PCYT1B: variants seen among roughly 807,000 people sequenced by gnomAD.
The protein encoded by PCYT1B is choline-phosphate cytidylyltransferase B.
In PCYT1B, 10 loss-of-function variants were observed where a neutral mutation model predicts 26.4. The observed-to-expected ratio is 0.38, with a 90% CI of 0.23 to 0.64. The LOEUF (loss-of-function observed/expected upper bound fraction) is 0.64. Among genes scored for constraint, PCYT1B ranks in the 30% least tolerant of loss-of-function variants. The pLI is 0.56. For missense variants in PCYT1B, 161 were observed against 292.7 expected, an observed-to-expected ratio of 0.55 and a Z score of 3.28; for synonymous variants, 131 against 108.4, an observed-to-expected ratio of 1.21 and a Z score of -1.29.
At chrX:24,567,668 C>T (rs1161039299) in intron 7 of PCYT1B, among the ~76,000 whole-genome samples, 1 of 112,001 alleles carries the variant, frequency 8.9e-6, no homozygotes, top group Non-Finnish European at 1.9e-5. Context: ...TACTTAACAT[C>T]GGCCGGGTGC....
intron 1 of PCYT1B, among the ~76,000 whole-genome samples, chrX:24,668,189 G>A (rs1419197531): frequency 8.9e-6 from 1 of 112,113 alleles, no homozygotes; most frequent in Admixed American, 9.5e-5. Flanking sequence ...GACTGATGGA[G>A]CTAACTGATG....
At chrX:24,633,669 G>A (rs1449540434) in intron 1 of PCYT1B, among the ~76,000 whole-genome samples, 6 of 111,878 alleles carry the variant, frequency 5.4e-5, no homozygotes, top group South Asian at 3.7e-4. Flanking sequence ...GCGAGACTCC[G>A]TCTCAGTATA....
intron 1 of PCYT1B, among the ~76,000 whole-genome samples, chrX:24,636,063 G>A (rs1004750015): frequency 1.2e-4 from 13 of 111,471 alleles, no homozygotes; most frequent in African/African-American, 3.3e-4. Context: ...CTAGACATAA[G>A]GTGTTTCGTT....
chrX:24,624,064 G>A (rs1279925372), intron 1 of PCYT1B, among the ~76,000 whole-genome samples: 1 of 107,031 alleles, frequency 9.3e-6, no homozygotes, highest in African/African-American at 3.4e-5. Flanking sequence ...CCACTTCCCG[G>A]GTTCATGCCA....
intron 1 of PCYT1B, among the ~76,000 whole-genome samples, chrX:24,619,603 G>A (rs377576060): frequency 7.8e-4 from 88 of 112,106 alleles, no homozygotes; most frequent in Middle Eastern, 4.6e-3. Context: ...ACTCAGAAGC[G>A]TGGCACGCCA....
In PCYT1B at chrX:24,672,575, G is replaced by A. The variant is rs191876455; in HGVS notation, c.58C>T (p.Arg20Cys). 82 of 1,198,128 alleles carry A rather than the reference G, an allele frequency of 6.8e-5. No individual in the cohort carries two copies. In the South Asian group the frequency reaches 7.7e-4, roughly 11 times the overall value. ...TAAGAAAGTATTCACATTACCTTGC[G>A]CCACAATTGGGGAGCGCGATTGTCC... Residue 20 changes from arginine (R) to cysteine (C), a missense_variant, in exon 1 of 8, where the codon CGC (arginine) becomes TGC (cysteine). Transcript: ENST00000379145.
At chrX:24,601,825 TC>T (rs1348042735) in intron 3 of PCYT1B, among the ~76,000 whole-genome samples, 1 of 112,312 alleles carries the variant, frequency 8.9e-6, no homozygotes, top group Non-Finnish European at 1.9e-5. Flanking sequence ...ATAGGATCTC[TC>T]ATTTATTGCT....
At chrX:24,659,888 G>A (rs1352604520) in intron 1 of PCYT1B, among the ~76,000 whole-genome samples, 1 of 111,786 alleles carries the variant, frequency 8.9e-6, no homozygotes, top group African/African-American at 3.2e-5. Context: ...CTGTTGCATT[G>A]GGGATTAAGT....
intron 3 of PCYT1B, among the ~76,000 whole-genome samples, chrX:24,590,515 C>A (rs1250621602): frequency 9.0e-6 from 1 of 111,365 alleles, no homozygotes; most frequent in Non-Finnish European, 1.9e-5. Context: ...ATAAAATGAC[C>A]AAATGAACAG....
intron 1 of PCYT1B, among the ~76,000 whole-genome samples, chrX:24,624,498 C>A (rs1222244740): frequency 8.9e-6 from 1 of 111,936 alleles, no homozygotes; most frequent in East Asian, 2.8e-4. Flanking sequence ...TTTTGCCTCT[C>A]CAGAATCCAC....
At chrX:24,569,778 A>G (rs1923760484) in intron 7 of PCYT1B, among the ~76,000 whole-genome samples, 3 of 111,936 alleles carry the variant, frequency 2.7e-5, no homozygotes, top group Admixed American at 1.9e-4. Context: ...CTCTTGTTTA[A>G]TGGTTACAGT....
At chrX:24,613,281 A>G (rs756105472) in intron 2 of PCYT1B, among the ~76,000 whole-genome samples, 2 of 112,360 alleles carry the variant, frequency 1.8e-5, no homozygotes, top group Non-Finnish European at 3.8e-5. Flanking sequence ...GATGTGCAAA[A>G]AAAGTGGCAC....
At chrX:24,568,937 T>TA (rs1339775445) in intron 7 of PCYT1B, among the ~76,000 whole-genome samples, 1 of 109,871 alleles carries the variant, frequency 9.1e-6, no homozygotes, top group Non-Finnish European at 1.9e-5. Context: ...CCATCTCTAC[T>TA]AAAAATACAA....
At chrX:24,646,220 C>G (rs1014518669) in intron 1 of PCYT1B, among the ~76,000 whole-genome samples, 2 of 111,306 alleles carry the variant, frequency 1.8e-5, no homozygotes, top group African/African-American at 6.5e-5. Context: ...TCACATCTAC[C>G]TAAAAGATCA....
chrX:24,645,926 C>T (rs1414222080), intron 1 of PCYT1B, among the ~76,000 whole-genome samples: 3 of 111,727 alleles, frequency 2.7e-5, no homozygotes, highest in Admixed American at 1.9e-4. Context: ...TTCTCATCTG[C>T]GAGCCCTAAT....
intron 2 of PCYT1B, among the ~76,000 whole-genome samples, chrX:24,617,984 C>T (rs1234772379): frequency 8.9e-6 from 1 of 111,752 alleles, no homozygotes; most frequent in African/African-American, 3.3e-5. Context: ...TCACTCAGGC[C>T]AAATGAATCT....
At chrX:24,668,051 C>T (rs185738197) in intron 1 of PCYT1B, among the ~76,000 whole-genome samples, 13 of 112,114 alleles carry the variant, frequency 1.2e-4, no homozygotes, top group Admixed American at 8.5e-4. Context: ...TGTAAGAAAC[C>T]ACCTCTGCTA....
chrX:24,634,066 C>T (rs780520670), intron 1 of PCYT1B, among the ~76,000 whole-genome samples: 1 of 110,537 alleles, frequency 9.0e-6, no homozygotes, highest in South Asian at 3.9e-4. Context: ...CAGGCACATA[C>T]CACCATGCTC....
At position 24,637,499 on chromosome X, in the gene PCYT1B, T is replaced by A. The variant is rs867153049; in HGVS notation, c.117+9490A>T. Reference sequence around the variant, plus strand: ...TCTACTAAAAAAAAAAAAATATATATATATATATATATAAATTAGCTGAGC... The same window carrying A: ...TCTACTAAAAAAAAAAAAATATATAAATATATATATATAAATTAGCTGAGC... On this transcript the variant is annotated intron_variant, in intron 1 of 7. Transcript: ENST00000379144. 2.6e-4 allele frequency among the ~76,000 whole-genome samples: 19 copies of A among 73,452 alleles called. 1 individual carries two copies. The highest frequency in any genetic ancestry group is 1.4e-3 in the African/African-American group (16 of 11,751). 63.8% of individuals were successfully genotyped at this position (73,452 alleles called of 115,157 possible).
Sources: allele counts gnomAD v4.1 joint callset (sites outside exome capture counted in the v4.1 genomes callset), GRCh38; gene constraint gnomAD v4.1.1; transcripts MANE v1.5; gene names NCBI Gene and HGNC (gene_info 2026-07-23, HGNC 2026-07-21).